BTRC: variants seen among roughly 807,000 people sequenced by gnomAD.
BTRC encodes beta-transducin repeat containing E3 ubiquitin protein ligase.
A neutral mutation model predicts 85.5 loss-of-function variants in BTRC; 42 were observed. That is an observed-to-expected ratio of 0.49 (90% CI 0.38 to 0.64). The LOEUF (loss-of-function observed/expected upper bound fraction) is 0.64. Ranked by LOEUF, BTRC falls within the 30% of genes least tolerant of loss-of-function variation. BTRC has a pLI of 0.00. For synonymous variants in BTRC, 255 were observed against 263.3 expected (o/e 0.97, Z 0.30); for missense variants, 594 against 743.5 (o/e 0.80, Z 2.34).
intron 1 of BTRC, among the ~76,000 whole-genome samples, chr10:101,395,179 C>G (rs1246276953): frequency 3.3e-5 from 5 of 152,070 alleles, no homozygotes; most frequent in African/African-American, 1.2e-4. Context: ...CTGAGGTTTC[C>G]TACCAATACA....
At chr10:101,470,271 A>G (rs570579110) in intron 3 of BTRC, among the ~76,000 whole-genome samples, 1 of 148,454 alleles carries the variant, frequency 6.7e-6, no homozygotes, top group African/African-American at 2.5e-5. Context: ...TGTTTATGGT[A>G]TGTTTTGATG....
chr10:101,545,498 G>T (rs1241204834), intron 13 of BTRC, among the ~76,000 whole-genome samples: 2 of 152,170 alleles, frequency 1.3e-5, no homozygotes, highest in African/African-American at 4.8e-5. Context: ...AGTTATAGGA[G>T]CTTTCAAGAG....
intron 2 of BTRC, among the ~76,000 whole-genome samples, chr10:101,449,608 GT>G (rs797012080): frequency 1.3e-5 from 2 of 152,048 alleles, no homozygotes; most frequent in African/African-American, 2.4e-5. Flanking sequence ...GAGGAAAGCA[GT>G]TTTTTAAAAG....
At chr10:101,462,706 C>T (rs1443058483) in intron 3 of BTRC, among the ~76,000 whole-genome samples, 3 of 150,762 alleles carry the variant, frequency 2.0e-5, no homozygotes, top group Admixed American at 6.6e-5. Flanking sequence ...AATAGCTCAC[C>T]ACTGTGCCCC....
intron 1 of BTRC, among the ~76,000 whole-genome samples, chr10:101,409,648 T>C (rs1381220997): frequency 1.3e-5 from 2 of 152,174 alleles, no homozygotes; most frequent in Non-Finnish European, 2.9e-5. Flanking sequence ...TGTTACACAA[T>C]AGGGAGTATT....
intron 1 of BTRC, among the ~76,000 whole-genome samples, chr10:101,366,108 C>G (rs1415915815): frequency 6.6e-6 from 1 of 151,996 alleles, no homozygotes; most frequent in African/African-American, 2.4e-5. Flanking sequence ...CTTTATGTAT[C>G]CAAGGTTTTC....
chr10:101,381,891 C>G (rs1480348462), intron 1 of BTRC, among the ~76,000 whole-genome samples: 2 of 147,160 alleles, frequency 1.4e-5, no homozygotes, highest in African/African-American at 2.5e-5. Flanking sequence ...AAATTTAACA[C>G]TGATCACTGA....
At chr10:101,484,398 A>T (rs1485177799) in intron 4 of BTRC, among the ~76,000 whole-genome samples, 1 of 152,184 alleles carries the variant, frequency 6.6e-6, no homozygotes, top group East Asian at 1.9e-4. Context: ...ATTGATAGTA[A>T]ATATTTTCCT....
chr10:101,391,783 T>G (rs555702834), intron 1 of BTRC, among the ~76,000 whole-genome samples: 1 of 152,330 alleles, frequency 6.6e-6, no homozygotes, highest in Admixed American at 6.5e-5. Context: ...TAAGGCACAA[T>G]ATATACACTT....
chr10:101,469,962 T>A (rs1341878648), intron 3 of BTRC, among the ~76,000 whole-genome samples: 1 of 152,208 alleles, frequency 6.6e-6, no homozygotes, highest in East Asian at 1.9e-4. Flanking sequence ...TATATCGCAG[T>A]TTGTTTTCTG....
At chr10:101,451,964 A>G (rs1206636187) in intron 2 of BTRC, among the ~76,000 whole-genome samples, 4 of 152,172 alleles carry the variant, frequency 2.6e-5, no homozygotes, top group Non-Finnish European at 5.9e-5. Flanking sequence ...AGCAAAATAT[A>G]TACACATTGG....
intron 2 of BTRC, among the ~76,000 whole-genome samples, chr10:101,436,659 T>TAGAC (rs1314862156): frequency 6.6e-6 from 1 of 151,892 alleles, no homozygotes; most frequent in East Asian, 1.9e-4. Flanking sequence ...GATAGATAGA[T>TAGAC]AGATAGATAG....
At chr10:101,439,331 T>C (rs1944619429) in intron 2 of BTRC, among the ~76,000 whole-genome samples, 1 of 152,130 alleles carries the variant, frequency 6.6e-6, no homozygotes, top group Non-Finnish European at 1.5e-5. Flanking sequence ...ACAATAATAC[T>C]GTGGAAAAAA....
At chr10:101,533,122 T>C (rs1350060756) in intron 9 of BTRC, 52 bp downstream of exon 9, 3 of 1,331,264 alleles carry the variant, frequency 2.3e-6, no homozygotes, top group Non-Finnish European at 3.2e-6. Context: ...CTCTGCTCTG[T>C]TCTTTGTCAT....
chr10:101,359,069 A>G, intron 1 of BTRC, among the ~76,000 whole-genome samples: 1 of 152,182 alleles, frequency 6.6e-6, no homozygotes, highest in East Asian at 1.9e-4. Context: ...TTCGGAAGGC[A>G]CTAACATGAT....
chr10:101,438,885 T>C (rs4612729), intron 2 of BTRC, among the ~76,000 whole-genome samples: 50,195 of 152,002 alleles, frequency 0.33, 10,907 homozygotes, highest in East Asian at 0.68. Flanking sequence ...AAAATCTCTT[T>C]TGTATTCCCT....
At chr10:101,549,187 A>G (rs2062606503) in intron 13 of BTRC, among the ~76,000 whole-genome samples, 1 of 149,084 alleles carries the variant, frequency 6.7e-6, no homozygotes, top group Non-Finnish European at 1.5e-5. Flanking sequence ...ATAATCTCAG[A>G]GCTTTGGGAG....
intron 4 of BTRC, among the ~76,000 whole-genome samples, chr10:101,521,146 C>A (rs965937651): frequency 6.6e-6 from 1 of 152,054 alleles, no homozygotes; most frequent in South Asian, 2.1e-4. Context: ...ATAGTGTGTA[C>A]CTATATAGTC....
At chr10:101,484,930 A>G (rs1306410922) in intron 4 of BTRC, among the ~76,000 whole-genome samples, 1 of 152,240 alleles carries the variant, frequency 6.6e-6, no homozygotes, top group Non-Finnish European at 1.5e-5. Context: ...AAGAGAAGCC[A>G]GGACCCCTCT....
Sources: allele counts gnomAD v4.1 joint callset (sites outside exome capture counted in the v4.1 genomes callset), GRCh38; gene constraint gnomAD v4.1.1; transcripts MANE v1.5; gene names NCBI Gene and HGNC (gene_info 2026-07-23, HGNC 2026-07-21).